GRIK2: variants seen among roughly 807,000 people sequenced by gnomAD.
GRIK2 encodes glutamate ionotropic receptor kainate type subunit 2.
GRIK2 carries 32 observed loss-of-function variants against 100.3 expected under a neutral mutation model. The observed-to-expected ratio is 0.32, with a 90% confidence interval of 0.24 to 0.43. GRIK2 has a LOEUF of 0.43. Among genes scored for constraint, GRIK2 ranks in the 20% least tolerant of loss-of-function variants. The pLI, the probability that GRIK2 is intolerant of heterozygous loss-of-function variation, is 1.00. For missense variants in GRIK2, 843 were observed against 1,114.9 expected (o/e 0.76, Z 3.47); for synonymous variants, 417 against 389.4 (o/e 1.07, Z -0.83).
chr6:101,503,277 G>T (rs1263898079), intron 2 of GRIK2, among the ~76,000 whole-genome samples: 2 of 152,118 alleles, frequency 1.3e-5, no homozygotes, highest in African/African-American at 2.4e-5. Flanking sequence ...TGAGGAAAAG[G>T]TATAAATAAA....
intron 14 of GRIK2, among the ~76,000 whole-genome samples, chr6:101,937,708 G>T (rs149885398): frequency 6.1e-4 from 92 of 151,052 alleles, no homozygotes; most frequent in East Asian, 1.8e-3. Flanking sequence ...ACTCTACTTT[G>T]TTAATGTTTT....
At chr6:101,514,489 G>C (rs1046633719) in intron 2 of GRIK2, among the ~76,000 whole-genome samples, 1 of 152,106 alleles carries the variant, frequency 6.6e-6, no homozygotes, top group South Asian at 2.1e-4. Flanking sequence ...ATTTTTTAAA[G>C]AACTCATTTA....
intron 7 of GRIK2, among the ~76,000 whole-genome samples, chr6:101,756,902 A>G (rs1269779025): frequency 6.6e-6 from 1 of 152,170 alleles, no homozygotes; most frequent in East Asian, 1.9e-4. Context: ...ACTTACTAAG[A>G]ATTAATCCTC....
At chr6:101,427,947 G>A (rs888974685) in intron 2 of GRIK2, among the ~76,000 whole-genome samples, 2 of 152,202 alleles carry the variant, frequency 1.3e-5, no homozygotes, top group Non-Finnish European at 2.9e-5. Flanking sequence ...TTTTGAGAAT[G>A]TTAAATGCTT....
intron 10 of GRIK2, among the ~76,000 whole-genome samples, chr6:101,843,676 C>A (rs1783645797): frequency 6.6e-6 from 1 of 152,130 alleles, no homozygotes. Context: ...ACGTTATAAT[C>A]ACATAGGAAG....
intron 14 of GRIK2, among the ~76,000 whole-genome samples, chr6:101,996,292 A>G (rs1239756436): frequency 6.6e-6 from 1 of 152,080 alleles, no homozygotes; most frequent in Non-Finnish European, 1.5e-5. Flanking sequence ...CTATCAAAAG[A>G]GGCCATTATA....
chr6:101,885,600 C>G (rs1351853298), intron 11 of GRIK2, among the ~76,000 whole-genome samples: 1 of 152,104 alleles, frequency 6.6e-6, no homozygotes, highest in African/African-American at 2.4e-5. Context: ...ATAATAGACA[C>G]ATTAATGCTA....
chr6:102,043,166 A>AAACT (rs1287022563), intron 15 of GRIK2, among the ~76,000 whole-genome samples: 2 of 151,946 alleles, frequency 1.3e-5, no homozygotes, highest in Non-Finnish European at 2.9e-5. Flanking sequence ...AAAATTTTTT[A>AAACT]AACTAAACAG....
chr6:101,725,793 G>A (rs1774820307), intron 7 of GRIK2, among the ~76,000 whole-genome samples: 1 of 151,968 alleles, frequency 6.6e-6, no homozygotes, highest in African/African-American at 2.4e-5. Context: ...ACAGTCCAAA[G>A]ACTGTCGTTA....
chr6:102,006,987 C>T (rs1401553538), intron 14 of GRIK2, among the ~76,000 whole-genome samples: 1 of 152,000 alleles, frequency 6.6e-6, no homozygotes, highest in Non-Finnish European at 1.5e-5. Flanking sequence ...TTTAGAAATA[C>T]TCCTAATTCT....
At chr6:101,434,208 A>G (rs6918619) in intron 2 of GRIK2, among the ~76,000 whole-genome samples, 6,772 of 152,286 alleles carry the variant, frequency 0.044, 317 homozygotes, top group African/African-American at 0.1. Context: ...CCTTCAGCCC[A>G]TGCTCCAATT....
At chr6:101,760,015 G>T (rs1328854568) in intron 7 of GRIK2, among the ~76,000 whole-genome samples, 1 of 134,092 alleles carries the variant, frequency 7.5e-6, no homozygotes, top group Non-Finnish European at 1.5e-5. Flanking sequence ...GACTACAGGC[G>T]CCCGCCACCG....
At chr6:101,541,639 T>C (rs1027082613) in intron 2 of GRIK2, among the ~76,000 whole-genome samples, 1 of 152,066 alleles carries the variant, frequency 6.6e-6, no homozygotes, top group African/African-American at 2.4e-5. Context: ...GTAGTACATA[T>C]TTTGTTAAAA....
chr6:101,556,210 G>A (rs1167128035), intron 2 of GRIK2, among the ~76,000 whole-genome samples: 1 of 148,998 alleles, frequency 6.7e-6, no homozygotes, highest in African/African-American at 2.5e-5. Context: ...TAATGAACAT[G>A]TAATCTTATT....
At chr6:101,987,512 T>C (rs1794081912) in intron 14 of GRIK2, among the ~76,000 whole-genome samples, 1 of 151,516 alleles carries the variant, frequency 6.6e-6, no homozygotes, top group South Asian at 2.1e-4. Context: ...TCAATTCTTA[T>C]TAGGTGTATG....
intron 7 of GRIK2, among the ~76,000 whole-genome samples, chr6:101,762,939 A>G (rs1177675595): frequency 6.6e-6 from 1 of 152,176 alleles, no homozygotes; most frequent in East Asian, 1.9e-4. Flanking sequence ...GAATCATCAG[A>G]CTTAAGAGCT....
chr6:101,989,994 T>C (rs917635032), intron 14 of GRIK2, among the ~76,000 whole-genome samples: 2 of 151,648 alleles, frequency 1.3e-5, no homozygotes, highest in Admixed American at 1.3e-4. Flanking sequence ...AAATGTGAGA[T>C]TGGATCAAAG....
Position 101,997,053 on chromosome 6 carries a change from C to CAT in GRIK2, c.2086-38288_2086-38287insAT, listed in dbSNP as rs374305440. Among the ~76,000 whole-genome samples the CAT allele has an allele frequency of 3.4e-4, 51 of 152,024 alleles. 1 individual carries two copies. Among genetic ancestry groups the CAT allele is most frequent in the African/African-American group, 1.2e-3 (48 of 41,492 alleles). Reference sequence around the variant, plus strand: ...TCTTTTCCATGCTATTTTACAGAAACGTGTAACTTGTTAAAAGTGTTAGTT... The same window carrying CAT: ...TCTTTTCCATGCTATTTTACAGAAACATGTGTAACTTGTTAAAAGTGTTAGTT... On this transcript the variant is annotated intron_variant, in intron 14 of 16. Coordinates refer to ENST00000369134, the MANE Select transcript of GRIK2 (RefSeq NM_021956.5).
At chr6:101,985,914 T>C (rs1449409032) in intron 14 of GRIK2, among the ~76,000 whole-genome samples, 1 of 151,854 alleles carries the variant, frequency 6.6e-6, no homozygotes, top group Admixed American at 6.6e-5. Context: ...TTATGCCATA[T>C]ACCTTTCTAA....
Sources: allele counts gnomAD v4.1 joint callset (sites outside exome capture counted in the v4.1 genomes callset), GRCh38; gene constraint gnomAD v4.1.1; transcripts MANE v1.5; gene names NCBI Gene and HGNC (gene_info 2026-07-23, HGNC 2026-07-21).